Variants in HNRNPR observed in about 807,000 individuals in gnomAD.
The protein encoded by HNRNPR is heterogeneous nuclear ribonucleoprotein R.
HNRNPR carries 4 observed loss-of-function variants against 70.3 expected under a neutral mutation model. The ratio of observed to expected loss-of-function variants is 0.06; its 90% CI spans 0.03 to 0.13. The LOEUF (loss-of-function observed/expected upper bound fraction) is 0.13. HNRNPR is among the 10% of genes least tolerant of loss of function. The pLI is 1.00. For synonymous variants in HNRNPR, 241 were observed against 267.6 expected (o/e 0.90, Z 0.97); for missense variants, 423 against 788.5 (o/e 0.54, Z 5.55).
At chr1:23,323,952 TAA>T (rs1330918183) in intron 5 of HNRNPR, among the ~76,000 whole-genome samples, 2 of 152,088 alleles carry the variant, frequency 1.3e-5, no homozygotes, top group African/African-American at 2.4e-5. Context: ...TGGAAACTAA[TAA>T]GAGTGTAAAA....
Position 23,338,617 on chromosome 1 carries a change from TA to T in HNRNPR, c.158-10del. On this transcript the variant is annotated splice_polypyrimidine_tract_variant and intron_variant, in intron 2 of 10. Coordinates refer to ENST00000302271, the MANE Select transcript of HNRNPR (RefSeq NM_005826.5). Reference sequence around the variant, plus strand: ...GACATAAGCTACCAATCCTAAAAATTAAATTGAAAGGGGTAACGTTATTGCA... The same window carrying T: ...GACATAAGCTACCAATCCTAAAAATTAATTGAAAGGGGTAACGTTATTGCA... 1 of 1,455,382 alleles carries T rather than the reference TA, an allele frequency of 6.9e-7. No individual in the cohort carries two copies. Among genetic ancestry groups the T allele is most frequent in the African/African-American group, 1.4e-5 (1 of 70,640 alleles). 90.2% of individuals were successfully genotyped at this position (1,455,382 alleles called of 1,614,324 possible). A position where few individuals can be genotyped will look rare whatever the true frequency, so the allele number is the denominator to read the frequency against.
intron 1 of HNRNPR, 115 bp from the exon 2 acceptor site, chr1:23,341,132 AAAT>A (rs1646690307): frequency 1.4e-6 from 1 of 716,728 alleles, no homozygotes; most frequent in Non-Finnish European, 2.3e-6. Context: ...ACCTCTATCA[AAAT>A]AATAATTTAT....
intron 2 of HNRNPR, among the ~76,000 whole-genome samples, chr1:23,339,717 G>A (rs72659785): frequency 7.9e-4 from 121 of 152,234 alleles, no homozygotes; most frequent in Non-Finnish European, 1.4e-3. Flanking sequence ...TCAAAAGCTC[G>A]AAATGAGCAT....
At chr1:23,337,454 G>A (rs561490142) in intron 4 of HNRNPR, among the ~76,000 whole-genome samples, 7 of 152,100 alleles carry the variant, frequency 4.6e-5, no homozygotes, top group South Asian at 2.1e-4. Context: ...TCAGGAGATC[G>A]AGACCAATCT....
chr1:23,331,300 GC>G (rs1646211427), intron 5 of HNRNPR, among the ~76,000 whole-genome samples: 1 of 150,744 alleles, frequency 6.6e-6, no homozygotes, highest in South Asian at 2.1e-4. Flanking sequence ...GGTGACTCAC[GC>G]CTGTAATCCC....
chr1:23,329,668 G>A (rs901434358), intron 5 of HNRNPR, among the ~76,000 whole-genome samples: 7 of 152,156 alleles, frequency 4.6e-5, no homozygotes, highest in Non-Finnish European at 7.3e-5. Flanking sequence ...TACTTGCTCC[G>A]TCACCCAGGC....
Position 23,310,815 on chromosome 1 carries a change from G to A in HNRNPR, c.1541C>T (p.Pro514Leu). 6.2e-7 allele frequency: 1 copy of A among 1,614,006 alleles called. No homozygotes were observed. Among genetic ancestry groups the A allele is most frequent in the Non-Finnish European group, 8.5e-7 (1 of 1,179,994 alleles). The change falls in exon 11 of 11, where the codon CCA becomes CTA. Residue 514 changes from proline (P) to leucine (L), a missense_variant. Physicochemically the swap from Pro to Leu is moderately conservative, Grantham distance 98. Around this residue, in one of 7 missense-constraint regions of HNRNPR, gnomAD observed 169 missense variants for 195.6 expected, o/e 0.86. Transcript: ENST00000302271. This position sits in a 1 kb window ranked among gnomAD's most constrained non-coding sequence, Gnocchi z 6.0. The stretch of plus-strand genomic sequence containing the variant: ...AGGTGGTGCTCCCCTCCCCCTTGGT[G>A]GTGGTGGAGCACCTCGCCCTCCCCT... ...GGRGGRGAPP[P>L]PRGRGAPPPR...
Position 23,310,825 on chromosome 1 carries a change from C to G in HNRNPR, c.1531G>C (p.Ala511Pro). ...CCCCTCCCCCTTGGTGGTGGTGGAG[C>G]ACCTCGCCCTCCCCTTCCTCCTCCT... ...GRGGGRGGRG[A>P]PPPPRGRGAP... Residue 511 changes from alanine to proline, a missense_variant, in exon 11 of 11, where the codon GCT becomes CCT. This residue lies in a region of HNRNPR where 169 missense variants were observed against 195.6 expected (regional missense o/e 0.86). Transcript: ENST00000302271. This position sits in a 1 kb window ranked among gnomAD's most constrained non-coding sequence, Gnocchi z 6.0. 1 of 1,614,044 alleles carries G rather than the reference C, an allele frequency of 6.2e-7. No homozygotes were observed. Among genetic ancestry groups the G allele is most frequent in the Non-Finnish European group, 8.5e-7 (1 of 1,179,984 alleles).
chr1:23,341,660 G>A (rs1018523158), intron 1 of HNRNPR, among the ~76,000 whole-genome samples: 8 of 151,876 alleles, frequency 5.3e-5, no homozygotes, highest in African/African-American at 1.9e-4. Context: ...GTTTAAAAGC[G>A]AAACAATTGT....
At chr1:23,340,687 G>T (rs556935503) in intron 2 of HNRNPR, among the ~76,000 whole-genome samples, 165 bp downstream of exon 2, 2 of 152,236 alleles carry the variant, frequency 1.3e-5, no homozygotes, top group South Asian at 4.1e-4. Flanking sequence ...TGAAATAAGA[G>T]TATCAAAGTC....
At chr1:23,320,389 T>C (rs949211319) in intron 7 of HNRNPR, among the ~76,000 whole-genome samples, 1 of 152,136 alleles carries the variant, frequency 6.6e-6, no homozygotes, top group African/African-American at 2.4e-5. Flanking sequence ...AATCTGGATA[T>C]GGTGGAGCTG....
chr1:23,320,369 T>C (rs1645708271), intron 7 of HNRNPR, among the ~76,000 whole-genome samples: 1 of 152,124 alleles, frequency 6.6e-6, no homozygotes, highest in South Asian at 2.1e-4. Context: ...GGTGACTAGA[T>C]CCAGAATGTA....
At chr1:23,329,552 A>G (rs1231599402) in intron 5 of HNRNPR, among the ~76,000 whole-genome samples, 1 of 152,212 alleles carries the variant, frequency 6.6e-6, no homozygotes, top group Non-Finnish European at 1.5e-5. Context: ...GGCCATGAAG[A>G]CCCAGAAAAA....
chr1:23,340,801 G>A, intron 2 of HNRNPR, 51 bp downstream of exon 2: 3 of 1,407,282 alleles, frequency 2.1e-6, no homozygotes, highest in Non-Finnish European at 2.9e-6. Flanking sequence ...AATTCAAAGT[G>A]GTTTGCCCTC....
In HNRNPR at chr1:23,307,531, T is replaced by A. The variant is rs1250463644; in HGVS notation, c.*2923A>T. 6.6e-6 allele frequency: 1 copy of A among 152,038 alleles called. No homozygotes were observed. The highest frequency in any genetic ancestry group is 1.5e-5 in the Non-Finnish European group (1 of 67,958). The allele number at this position is 152,038 out of a possible 1,614,324, so 9.4% of individuals were successfully genotyped here. On this transcript the variant is annotated 3_prime_UTR_variant, in exon 11 of 11. Transcript: ENST00000302271. ...AAAAACAATTATGCTGAACTCATTT[T>A]AAAAAAACTACAGAATCATAACTCA... is the stretch of plus-strand genomic sequence containing the variant.
At chr1:23,335,807 T>C (rs1445557705) in intron 4 of HNRNPR, among the ~76,000 whole-genome samples, 2 of 152,158 alleles carry the variant, frequency 1.3e-5, no homozygotes, top group Admixed American at 1.3e-4. Context: ...CAACATACAA[T>C]AACTATTTCT....
chr1:23,328,945 C>A (rs1414087132), intron 5 of HNRNPR, among the ~76,000 whole-genome samples: 1 of 151,960 alleles, frequency 6.6e-6, no homozygotes, highest in South Asian at 2.1e-4. Flanking sequence ...AAAGCGAGAC[C>A]CTGCCTCTAT....
At chr1:23,316,091 G>A (rs1472942517) in intron 8 of HNRNPR, among the ~76,000 whole-genome samples, 1 of 152,206 alleles carries the variant, frequency 6.6e-6, no homozygotes, top group Non-Finnish European at 1.5e-5. Flanking sequence ...AAAATCTTCA[G>A]TGAATTGTAA....
At chr1:23,333,912 GTCTTT>G (rs978381718) in intron 4 of HNRNPR, among the ~76,000 whole-genome samples, 3 of 151,928 alleles carry the variant, frequency 2.0e-5, no homozygotes, top group Non-Finnish European at 4.4e-5. Flanking sequence ...TCTCCCTACT[GTCTTT>G]TCTTCTTTTT....
Sources: gnomAD v4.1 joint callset for allele counts (sites outside exome capture counted in the v4.1 genomes callset) on GRCh38, gnomAD v4.1.1 for gene constraint, gnomAD v4.1.1 regional missense constraint, Gnocchi (gnomAD v3.1) non-coding constraint, MANE v1.5 for transcripts, NCBI Gene and HGNC (gene_info 2026-07-23, HGNC 2026-07-21) for gene names.